Variants in ANP32D observed in about 807,000 individuals in gnomAD.
The protein encoded by ANP32D is acidic nuclear phosphoprotein 32 family member D, also known as acidic leucine-rich nuclear phosphoprotein 32 family member D.
Under a neutral mutation model 7.8 loss-of-function variants are expected in ANP32D, and 6 were observed. The ratio of observed to expected loss-of-function variants is 0.77; its 90% CI spans 0.42 to 1.52. The LOEUF (loss-of-function observed/expected upper bound fraction) is 1.52. Among genes scored for constraint, ANP32D ranks in the 40% most tolerant of loss-of-function variants. The pLI, the probability that ANP32D is intolerant of heterozygous loss-of-function variation, is 0.01. For synonymous variants in ANP32D, 69 were observed against 59.7 expected, an observed-to-expected ratio of 1.16 and a Z score of -0.72; for missense variants, 163 against 145.9, an observed-to-expected ratio of 1.12 and a Z score of -0.60.
Position 48,472,582 on chromosome 12 carries a change from G to T in ANP32D, c.-83G>T. ...CGGAGAACCCAGCAGAGCTGGTTGA[G>T]CTTTCAAATGTGCGGTTGTGGGTTC... On this transcript the variant is annotated 5_prime_UTR_variant, in exon 1 of 1. Coordinates refer to ENST00000266594, the MANE Select transcript of ANP32D (RefSeq NM_012404.3). 1 of 1,539,578 alleles carries T rather than the reference G, an allele frequency of 6.5e-7. No homozygotes were observed. The highest frequency in any genetic ancestry group is 1.7e-4 in the Middle Eastern group (1 of 5,734).
chr12:48,473,487 A>C lies in ANP32D; in HGVS notation c.*427A>C. ...TAGCCGTATCCCCTCCCCCACTCCAATCCTGCCCCCTGAAACTTATTTTTT... is the reference window on the plus strand; with the variant it reads ...TAGCCGTATCCCCTCCCCCACTCCACTCCTGCCCCCTGAAACTTATTTTTT... On this transcript the variant is annotated 3_prime_UTR_variant, in exon 1 of 1. Transcript: ENST00000266594. 1 of 429,078 alleles carries C rather than the reference A, an allele frequency of 2.3e-6. No individual in the cohort carries two copies. Among genetic ancestry groups the C allele is most frequent in the Non-Finnish European group, 4.3e-6 (1 of 230,428 alleles). The allele number at this position is 429,078 out of a possible 1,614,324, so 26.6% of individuals were successfully genotyped here. A position where few individuals can be genotyped will look rare whatever the true frequency, so the allele number is the denominator to read the frequency against.
At position 48,472,609 on chromosome 12, in the gene ANP32D, G is replaced by T. The variant is rs1383963343; in HGVS notation, c.-56G>T. The T allele has an allele frequency of 1.2e-6, 2 of 1,604,326 alleles. No homozygotes were observed. Among genetic ancestry groups the T allele is most frequent in the African/African-American group, 1.3e-5 (1 of 74,534 alleles). On this transcript the variant is annotated 5_prime_UTR_variant, in exon 1 of 1. Transcript: ENST00000266594. ...TTTCAAATGTGCGGTTGTGGGTTCG[G>T]GGTTTATTGGTTGAATTCCGCTGGC...
Position 48,472,845 on chromosome 12 carries a change from C to A in ANP32D, c.181C>A (p.Pro61Thr), listed in dbSNP as rs758465937. ...AGGCCTCACCTCAATTGCAAACTTG[C>A]CAAAGTTAAACAAACTTAAGAAGCT... Reference protein sequence around the residue: ...NIGLTSIANLPKLNKLKKLEL... With the variant: ...NIGLTSIANLTKLNKLKKLEL... The change falls in exon 1 of 1, where the codon CCA (proline) becomes ACA (threonine). Residue 61 changes from proline (P) to threonine (T), a missense_variant. Coordinates refer to ENST00000266594, the MANE Select transcript of ANP32D (RefSeq NM_012404.3). 1.9e-6 allele frequency: 3 copies of A among 1,613,862 alleles called. No individual in the cohort carries two copies. The African/African-American group carries it at 4.0e-5, about 22-fold the overall frequency.
At position 48,473,312 on chromosome 12, in the gene ANP32D, T is replaced by A. The variant is rs747436997; in HGVS notation, c.*252T>A. On this transcript the variant is annotated 3_prime_UTR_variant, in exon 1 of 1. Coordinates refer to ENST00000266594, the MANE Select transcript of ANP32D (RefSeq NM_012404.3). ...AGGAGAAGGATGAAGGTTATAACAATGGAGAGGTAGATGATGAGGAAGATG... is the reference window on the plus strand; with the variant it reads ...AGGAGAAGGATGAAGGTTATAACAAAGGAGAGGTAGATGATGAGGAAGATG... 2 of 1,169,166 alleles carry A rather than the reference T, an allele frequency of 1.7e-6. No individual in the cohort carries two copies. The highest frequency in any genetic ancestry group is 2.5e-6 in the Non-Finnish European group (2 of 797,118). 72.4% of individuals were successfully genotyped at this position (1,169,166 alleles called of 1,614,324 possible). A position where few individuals can be genotyped will look rare whatever the true frequency, so the allele number is the denominator to read the frequency against.
chr12:48,473,184 G>A lies in ANP32D; in HGVS notation c.*124G>A, dbSNP rs1303185034. 9 of 1,389,770 alleles carry A rather than the reference G, an allele frequency of 6.5e-6. No individual in the cohort carries two copies. The highest frequency in any genetic ancestry group is 2.3e-5 in the East Asian group (1 of 43,486). The allele number at this position is 1,389,770 out of a possible 1,614,324, so 86.1% of individuals were successfully genotyped here. On this transcript the variant is annotated 3_prime_UTR_variant, in exon 1 of 1. Transcript: ENST00000266594. Reference sequence around the variant, plus strand: ...GTGCCTGGATGACAAGGAGGAGGATGAGGATGAGGAGGAGTATGATGAAGA... The same window carrying A: ...GTGCCTGGATGACAAGGAGGAGGATAAGGATGAGGAGGAGTATGATGAAGA...
In ANP32D at chr12:48,473,128, C is replaced by T; in HGVS notation, c.*68C>T. On this transcript the variant is annotated 3_prime_UTR_variant, in exon 1 of 1. Transcript: ENST00000266594. The stretch of plus-strand genomic sequence containing the variant: ...GGCTGTGACCCGGATGACAAGGAGG[C>T]CCCTAACTCGGATGGTGAGGGCTTT... 6.2e-7 allele frequency: 1 copy of T among 1,608,690 alleles called. No individual in the cohort carries two copies. Among genetic ancestry groups the T allele is most frequent in the Non-Finnish European group, 8.5e-7 (1 of 1,175,830 alleles).
chr12:48,473,386 CTG>C lies in ANP32D; in HGVS notation c.*327_*328del. The C allele has an allele frequency of 1.0e-6, 1 of 959,156 alleles. No homozygotes were observed. Among genetic ancestry groups the C allele is most frequent in the Admixed American group, 2.1e-5 (1 of 48,568 alleles). 59.4% of individuals were successfully genotyped at this position (959,156 alleles called of 1,614,324 possible). A position where few individuals can be genotyped will look rare whatever the true frequency, so the allele number is the denominator to read the frequency against. ...AGGGGTCAGAAGCGAAAATAAGAAACTGAAGATGAGGGAGAAGACGATGCCTA... is the reference window on the plus strand; with the variant it reads ...AGGGGTCAGAAGCGAAAATAAGAAACAAGATGAGGGAGAAGACGATGCCTA... On this transcript the variant is annotated 3_prime_UTR_variant, in exon 1 of 1. Transcript: ENST00000266594.
rs759998457 is a variant in ANP32D at position 48,472,681 on chromosome 12, G to C, written c.17G>C (p.Trp6Ser). MEMGKWIHLELRNRTP... is the reference protein window; with the variant it reads MEMGKSIHLELRNRTP... Reference sequence around the variant, plus strand: ...GCGTGAGAGATGGAGATGGGCAAATGGATTCATTTAGAGCTGCGGAACAGG... The same window carrying C: ...GCGTGAGAGATGGAGATGGGCAAATCGATTCATTTAGAGCTGCGGAACAGG... Residue 6 changes from tryptophan (W) to serine (S), a missense_variant, in exon 1 of 1, where the codon TGG becomes TCG. Transcript: ENST00000266594. The C allele has an allele frequency of 4.3e-6, 7 of 1,614,000 alleles. No individual in the cohort carries two copies. The highest frequency in any genetic ancestry group is 5.1e-6 in the Non-Finnish European group (6 of 1,180,012).
Position 48,472,627 on chromosome 12 carries a change from C to A in ANP32D, c.-38C>A. 6.2e-7 allele frequency: 1 copy of A among 1,610,988 alleles called. No individual in the cohort carries two copies. Among genetic ancestry groups the A allele is most frequent in the South Asian group, 1.1e-5 (1 of 90,478 alleles). On this transcript the variant is annotated 5_prime_UTR_variant, in exon 1 of 1. Coordinates refer to ENST00000266594, the MANE Select transcript of ANP32D (RefSeq NM_012404.3). ...GGGTTCGGGGTTTATTGGTTGAATT[C>A]CGCTGGCTCAGGAGCCTCTGCAGAG...
At position 48,473,081 on chromosome 12, in the gene ANP32D, C is replaced by T. The variant is rs774081447; in HGVS notation, c.*21C>T. On this transcript the variant is annotated 3_prime_UTR_variant, in exon 1 of 1. Coordinates refer to ENST00000266594, the MANE Select transcript of ANP32D (RefSeq NM_012404.3). The stretch of plus-strand genomic sequence containing the variant: ...ACTGAGAAAAGATGTTCAAGCTCCT[C>T]CTGCAACTCACATATCTCAACGGCT... 35 of 1,613,888 alleles carry T rather than the reference C, an allele frequency of 2.2e-5. No homozygotes were observed. The highest frequency in any genetic ancestry group is 2.7e-5 in the Non-Finnish European group (32 of 1,180,008).
chr12:48,473,302 G>A lies in ANP32D; in HGVS notation c.*242G>A, dbSNP rs1360280318. On this transcript the variant is annotated 3_prime_UTR_variant, in exon 1 of 1. Coordinates refer to ENST00000266594, the MANE Select transcript of ANP32D (RefSeq NM_012404.3). The stretch of plus-strand genomic sequence containing the variant: ...GGAGACGAGGAGGAGAAGGATGAAG[G>A]TTATAACAATGGAGAGGTAGATGAT... The A allele has an allele frequency of 8.8e-7, 1 of 1,136,716 alleles. No individual in the cohort carries two copies. 70.4% of individuals were successfully genotyped at this position (1,136,716 alleles called of 1,614,324 possible). A position where few individuals can be genotyped will look rare whatever the true frequency, so the allele number is the denominator to read the frequency against.
chr12:48,473,006 C>A lies in ANP32D; in HGVS notation c.342C>A (p.Asn114Lys), dbSNP rs142042575. 1 of 1,614,080 alleles carries A rather than the reference C, an allele frequency of 6.2e-7. No individual in the cohort carries two copies. Among genetic ancestry groups the A allele is most frequent in the African/African-American group, 1.3e-5 (1 of 75,004 alleles). Residue 114 changes from asparagine (N) to lysine (K), a missense_variant, in exon 1 of 1, where the codon AAC becomes AAA. Physicochemically the swap from Asn to Lys is moderately conservative, Grantham distance 94 (BLOSUM62 0). Coordinates refer to ENST00000266594, the MANE Select transcript of ANP32D (RefSeq NM_012404.3). ...STIEPLKKLE[N>K]LESLDLFTCE... ...TAGAGCCCCTGAAAAAGTTAGAAAACCTCGAGAGCTTAGACCTTTTCACTT... is the reference window on the plus strand; with the variant it reads ...TAGAGCCCCTGAAAAAGTTAGAAAAACTCGAGAGCTTAGACCTTTTCACTT...
In ANP32D at chr12:48,472,953, G is replaced by T; in HGVS notation, c.289G>T (p.Gly97Cys). The change falls in exon 1 of 1, where the codon GGC (glycine) becomes TGC (cysteine). Residue 97 changes from glycine to cysteine, a missense_variant. Transcript: ENST00000266594. ...CPNLIHLNLSGNKIKDLSTIE... is the reference protein window; with the variant it reads ...CPNLIHLNLSCNKIKDLSTIE... ...AAACCTCATACATCTAAATTTAAGT[G>T]GCAACAAAATTAAAGACCTCAGCAC... is the stretch of plus-strand genomic sequence containing the variant. The T allele has an allele frequency of 6.2e-7, 1 of 1,614,078 alleles. No individual in the cohort carries two copies. Among genetic ancestry groups the T allele is most frequent in the Admixed American group, 1.7e-5 (1 of 60,012 alleles).
Position 48,472,694 on chromosome 12 carries a change from G to T in ANP32D, c.30G>T (p.Glu10Asp). MEMGKWIHL[E>D]LRNRTPSDVK... Reference sequence around the variant, plus strand: ...AGATGGGCAAATGGATTCATTTAGAGCTGCGGAACAGGACGCCCTCCGATG... The same window carrying T: ...AGATGGGCAAATGGATTCATTTAGATCTGCGGAACAGGACGCCCTCCGATG... Residue 10 changes from glutamate to aspartate, a missense_variant, in exon 1 of 1, where the codon GAG becomes GAT. Transcript: ENST00000266594. The T allele has an allele frequency of 6.2e-7, 1 of 1,614,174 alleles. No homozygotes were observed. Among genetic ancestry groups the T allele is most frequent in the African/African-American group, 1.3e-5 (1 of 75,044 alleles).
rs1954098977 is a variant in ANP32D at position 48,473,370 on chromosome 12, A to G, written c.*310A>G. 5 of 1,049,716 alleles carry G rather than the reference A, an allele frequency of 4.8e-6. No homozygotes were observed. Among genetic ancestry groups the G allele is most frequent in the Admixed American group, 2.0e-5 (1 of 49,848 alleles). The allele number at this position is 1,049,716 out of a possible 1,614,324, so 65.0% of individuals were successfully genotyped here. On this transcript the variant is annotated 3_prime_UTR_variant, in exon 1 of 1. Coordinates refer to ENST00000266594, the MANE Select transcript of ANP32D (RefSeq NM_012404.3). ...GCTTGGTGAAGAAGAAAGGGGTCAG[A>G]AGCGAAAATAAGAAACTGAAGATGA...
In ANP32D at chr12:48,473,229, G is replaced by C; in HGVS notation, c.*169G>C. 1 of 1,154,264 alleles carries C rather than the reference G, an allele frequency of 8.7e-7. No individual in the cohort carries two copies. The highest frequency in any genetic ancestry group is 1.3e-6 in the Non-Finnish European group (1 of 775,084). 71.5% of individuals were successfully genotyped at this position (1,154,264 alleles called of 1,614,324 possible). A position where few individuals can be genotyped will look rare whatever the true frequency, so the allele number is the denominator to read the frequency against. ...TGAAGATGCTCAGGTAATGGAAGATGAGGAGGACGAGGATGAGGAGGAGGA... is the reference window on the plus strand; with the variant it reads ...TGAAGATGCTCAGGTAATGGAAGATCAGGAGGACGAGGATGAGGAGGAGGA... On this transcript the variant is annotated 3_prime_UTR_variant, in exon 1 of 1. Transcript: ENST00000266594.
chr12:48,473,481 A>C lies in ANP32D; in HGVS notation c.*421A>C. On this transcript the variant is annotated 3_prime_UTR_variant, in exon 1 of 1. Coordinates refer to ENST00000266594, the MANE Select transcript of ANP32D (RefSeq NM_012404.3). ...TGTTTTTAGCCGTATCCCCTCCCCC[A>C]CTCCAATCCTGCCCCCTGAAACTTA... is the stretch of plus-strand genomic sequence containing the variant. 1 of 443,540 alleles carries C rather than the reference A, an allele frequency of 2.3e-6. No homozygotes were observed. Among genetic ancestry groups the C allele is most frequent in the Non-Finnish European group, 4.2e-6 (1 of 238,618 alleles). The allele number at this position is 443,540 out of a possible 1,614,324, so 27.5% of individuals were successfully genotyped here.
At position 48,473,515 on chromosome 12, in the gene ANP32D, T is replaced by C. The variant is rs1458534880; in HGVS notation, c.*455T>C. ...CTGCCCCCTGAAACTTATTTTTTTC[T>C]GATTGTAACGTTGCTGTGGGAGCAA... is the stretch of plus-strand genomic sequence containing the variant. On this transcript the variant is annotated 3_prime_UTR_variant, in exon 1 of 1. Transcript: ENST00000266594. The C allele has an allele frequency of 2.9e-5, 11 of 383,464 alleles. No individual in the cohort carries two copies. 23.8% of individuals were successfully genotyped at this position (383,464 alleles called of 1,614,324 possible).
chr12:48,473,104 G>A lies in ANP32D; in HGVS notation c.*44G>A, dbSNP rs765380895. Reference sequence around the variant, plus strand: ...CTCCTGCAACTCACATATCTCAACGGCTGTGACCCGGATGACAAGGAGGCC... The same window carrying A: ...CTCCTGCAACTCACATATCTCAACGACTGTGACCCGGATGACAAGGAGGCC... On this transcript the variant is annotated 3_prime_UTR_variant, in exon 1 of 1. Coordinates refer to ENST00000266594, the MANE Select transcript of ANP32D (RefSeq NM_012404.3). 5 of 1,613,322 alleles carry A rather than the reference G, an allele frequency of 3.1e-6. No individual in the cohort carries two copies. Among genetic ancestry groups the A allele is most frequent in the East Asian group, 4.5e-5 (2 of 44,864 alleles).
Sources: allele counts gnomAD v4.1 joint callset, GRCh38; gene constraint gnomAD v4.1.1; transcripts MANE v1.5; gene names NCBI Gene and HGNC (gene_info 2026-07-23, HGNC 2026-07-21).